Variants in C2CD3 observed in about 807,000 individuals in gnomAD.
C2CD3 encodes C2 domain-containing protein 3.
C2CD3 carries 148 observed loss-of-function variants against 234.0 expected under a neutral mutation model. That is an observed-to-expected ratio of 0.63 (90% CI 0.55 to 0.72). The LOEUF (loss-of-function observed/expected upper bound fraction) is 0.72, where lower values mean the gene tolerates loss of function less well. C2CD3 is among the 30% of genes least tolerant of loss of function. The probability of loss-of-function intolerance (pLI) is 0.00; values close to 1 mark genes in which losing one functional copy is unlikely to be tolerated. For synonymous variants in C2CD3, 1,000 were observed against 1,035.4 expected, an observed-to-expected ratio of 0.97 and a Z score of 0.66; for missense variants, 2,577 against 2,811.5, an observed-to-expected ratio of 0.92 and a Z score of 1.89.
chr11:74,064,899 A>T (rs1398328396), intron 24 of C2CD3, among the ~76,000 whole-genome samples: 1 of 152,226 alleles, frequency 6.6e-6, no homozygotes, highest in Non-Finnish European at 1.5e-5. Flanking sequence ...CCTTTCTTAC[A>T]CCTTATACAA....
At chr11:74,086,539 A>G (rs1955650007) in intron 20 of C2CD3, among the ~76,000 whole-genome samples, 1 of 152,206 alleles carries the variant, frequency 6.6e-6, no homozygotes, top group African/African-American at 2.4e-5. Flanking sequence ...ACTTCATCAT[A>G]GTCATACAGT....
At chr11:74,086,998 T>A (rs1348542397) in intron 20 of C2CD3, among the ~76,000 whole-genome samples, 1 of 152,208 alleles carries the variant, frequency 6.6e-6, no homozygotes, top group Non-Finnish European at 1.5e-5. Flanking sequence ...CAACCTCCTT[T>A]AAGTCTCAGT....
At chr11:74,158,078 C>T (rs1364633232) in intron 3 of C2CD3, among the ~76,000 whole-genome samples, 4 of 152,102 alleles carry the variant, frequency 2.6e-5, no homozygotes, top group Non-Finnish European at 5.9e-5. Flanking sequence ...GACTATAAAA[C>T]GACTAGAAGA....
intron 12 of C2CD3, chr11:74,107,756 C>T (rs1956579864): frequency 6.6e-6 from 1 of 152,020 alleles, no homozygotes; most frequent in African/African-American, 2.4e-5. Context: ...TAAATGTTAA[C>T]AATAGTTATT....
intron 7 of C2CD3, chr11:74,128,589 G>C (rs187043691): frequency 2.0e-5 from 3 of 151,468 alleles, no homozygotes; most frequent in African/African-American, 7.3e-5. Context: ...GGTGTTTCTC[G>C]CAGAGGGGGA....
chr11:74,043,668 A>C (rs1953197298), intron 28 of C2CD3, among the ~76,000 whole-genome samples: 1 of 149,204 alleles, frequency 6.7e-6, no homozygotes, highest in African/African-American at 2.5e-5. Context: ...AAATACAGTC[A>C]CCCTAGTGGA....
chr11:74,049,197 C>T (rs1194847294), intron 27 of C2CD3, 140 bp downstream of exon 27: 1 of 674,796 alleles, frequency 1.5e-6, no homozygotes, highest in African/African-American at 1.8e-5. Flanking sequence ...TTCATCACCC[C>T]AAAAGGTCAG....
At chr11:74,014,210 C>T (rs1951798506) in intron 32 of C2CD3, among the ~76,000 whole-genome samples, 1 of 152,078 alleles carries the variant, frequency 6.6e-6, no homozygotes, top group African/African-American at 2.4e-5. Flanking sequence ...TGAAGGAGCT[C>T]AAAGCTATAC....
intron 2 of C2CD3, among the ~76,000 whole-genome samples, chr11:74,165,666 T>C (rs1856757820): frequency 6.6e-6 from 1 of 152,136 alleles, no homozygotes; most frequent in African/African-American, 2.4e-5. Context: ...TTTTCTTTCT[T>C]TTTTAGAAAC....
At chr11:74,127,855 T>C (rs1437213592) in intron 7 of C2CD3, among the ~76,000 whole-genome samples, 1 of 152,018 alleles carries the variant, frequency 6.6e-6, no homozygotes, top group Non-Finnish European at 1.5e-5. Context: ...CATCTTTTCA[T>C]GTGTATATTG....
intron 28 of C2CD3, among the ~76,000 whole-genome samples, chr11:74,047,699 C>T (rs114740017): frequency 0.021 from 3,272 of 152,224 alleles, 67 homozygotes; most frequent in African/African-American, 0.046. Flanking sequence ...GTGTAGGCAG[C>T]GGGGTGCTTC....
At chr11:74,053,754 A>C (rs1307853361) in intron 26 of C2CD3, among the ~76,000 whole-genome samples, 2 of 152,226 alleles carry the variant, frequency 1.3e-5, no homozygotes, top group South Asian at 4.1e-4. Flanking sequence ...AACAGGAAAG[A>C]CTGAAATGTA....
intron 23 of C2CD3, among the ~76,000 whole-genome samples, chr11:74,076,279 C>T (rs826063): frequency 0.061 from 9,287 of 152,242 alleles, 889 homozygotes; most frequent in African/African-American, 0.2. Context: ...CCTAGATACA[C>T]TCAGTTCTCC....
In C2CD3 at chr11:74,028,404, A is replaced by G; in HGVS notation, c.6810-6T>C. On this transcript the variant is annotated splice_region_variant and splice_polypyrimidine_tract_variant and intron_variant, in intron 31 of 32. Coordinates refer to ENST00000334126, the MANE Select transcript of C2CD3 (RefSeq NM_001286577.2). ...GCACCACAATGGGCCCTGGGCTACA[A>G]TGGTAGTTAAGGGACAAAAATACCT... 1.5e-5 allele frequency: 23 copies of G among 1,530,528 alleles called. No homozygotes were observed. The highest frequency in any genetic ancestry group is 2.0e-5 in the Non-Finnish European group (23 of 1,142,698). The allele number at this position is 1,530,528 out of a possible 1,614,324, so 94.8% of individuals were successfully genotyped here. A position where few individuals can be genotyped will look rare whatever the true frequency, so the allele number is the denominator to read the frequency against.
intron 4 of C2CD3, among the ~76,000 whole-genome samples, chr11:74,139,296 C>T (rs962895756): frequency 2.6e-5 from 4 of 152,216 alleles, no homozygotes; most frequent in Admixed American, 6.5e-5. Context: ...CACAGAATAG[C>T]TCCCTGTCCC....
In C2CD3 at chr11:74,033,945, C is replaced by T; in HGVS notation, c.6215G>A (p.Arg2072Lys). 3.3e-6 allele frequency: 5 copies of T among 1,536,322 alleles called. No individual in the cohort carries two copies. The highest frequency in any genetic ancestry group is 3.5e-6 in the Non-Finnish European group (4 of 1,146,962). Residue 2072 changes from arginine to lysine, a missense_variant, in exon 31 of 33, where the codon AGG becomes AAG. Physicochemically the swap from Arg to Lys is conservative, Grantham distance 26. Transcript: ENST00000334126. ...EDYEEDIIEP[R>K]TLNEITTVTD... ...CACCGTGGTGATCTCATTTAAGGTC[C>T]TGGGCTCAATGATGTCTTCTTCATA...
At chr11:74,063,899 TA>T (rs1431236863) in intron 24 of C2CD3, among the ~76,000 whole-genome samples, 1 of 152,214 alleles carries the variant, frequency 6.6e-6, no homozygotes, top group African/African-American at 2.4e-5. Flanking sequence ...CTCTCTTTTT[TA>T]AATTTTATTA....
chr11:74,085,873 G>A lies in C2CD3; in HGVS notation c.3655C>T (p.Arg1219Trp), dbSNP rs764341376. 5.0e-6 allele frequency: 8 copies of A among 1,612,354 alleles called. No homozygotes were observed. The highest frequency in any genetic ancestry group is 2.2e-5 in the East Asian group (1 of 44,828). ...GCACTAAACTGTAGAGCGGGTTCCC[G>A]TTCAGCCAAAGCCCTGTAGAGGAGA... ...LQAAAKALAE[R>W]EPALQFSATV... Residue 1219 changes from arginine (R) to tryptophan (W), a missense_variant, in exon 21 of 33, where the codon CGG (arginine) becomes TGG (tryptophan). Transcript: ENST00000334126.
At chr11:74,019,317 G>A (rs749374354) in intron 32 of C2CD3, among the ~76,000 whole-genome samples, 4 of 125,766 alleles carry the variant, frequency 3.2e-5, no homozygotes. Context: ...GGGCCAGGGT[G>A]GCGCCAGCCA....
Sources: gnomAD v4.1 joint callset for allele counts (sites outside exome capture counted in the v4.1 genomes callset) on GRCh38, gnomAD v4.1.1 for gene constraint, MANE v1.5 for transcripts, NCBI Gene and HGNC (gene_info 2026-07-23, HGNC 2026-07-21) for gene names.